The following SEC63 variants were observed in gnomAD, a reference collection of about 807,000 sequenced individuals.
SEC63 encodes the protein SEC63 protein translocation regulator.
Under a neutral mutation model 116.2 loss-of-function variants are expected in SEC63, and 56 were observed. That is an observed-to-expected ratio of 0.48 (90% confidence interval 0.39 to 0.60). The LOEUF (loss-of-function observed/expected upper bound fraction) is 0.60, where lower values mean the gene tolerates loss of function less well. Among genes scored for constraint, SEC63 ranks in the 20% least tolerant of loss-of-function variants. SEC63 has a pLI of 0.00. For missense variants in SEC63, 668 were observed against 900.0 expected (o/e 0.74, Z 3.30); for synonymous variants, 273 against 294.6 (o/e 0.93, Z 0.75).
At chr6:107,917,606 T>C (rs1401825983) in intron 4 of SEC63, among the ~76,000 whole-genome samples, 1 of 152,188 alleles carries the variant, frequency 6.6e-6, no homozygotes, top group Non-Finnish European at 1.5e-5. Flanking sequence ...GCAACAGCGC[T>C]TAAAGGAACT....
rs781049273 is a variant in SEC63 at position 107,902,939 on chromosome 6, T to C, written c.1114A>G (p.Met372Val). 6.2e-7 allele frequency: 1 copy of C among 1,614,016 alleles called. No individual in the cohort carries two copies. The highest frequency in any genetic ancestry group is 8.5e-7 in the Non-Finnish European group (1 of 1,179,944). The change falls in exon 12 of 21, where the codon ATG becomes GTG. Residue 372 changes from methionine (M) to valine (V), a missense_variant. Physicochemically the swap from Met to Val is conservative, Grantham distance 21. Coordinates refer to ENST00000369002, the MANE Select transcript of SEC63 (RefSeq NM_007214.5). ...AATTGCTGAAGTCCCTGAACGGCCATCTGAGAAAGCTTCATGCAGTTTTCT... is the reference window on the plus strand; with the variant it reads ...AATTGCTGAAGTCCCTGAACGGCCACCTGAGAAAGCTTCATGCAGTTTTCT... ...SLENCMKLSQ[M>V]AVQGLQQFKS...
At chr6:107,896,985 GA>G (rs201381619) in intron 14 of SEC63, among the ~76,000 whole-genome samples, 6 of 110,380 alleles carry the variant, frequency 5.4e-5, no homozygotes, top group East Asian at 2.8e-4. Flanking sequence ...CGTCAAAAAA[GA>G]AAAAAAAAAG....
intron 3 of SEC63, among the ~76,000 whole-genome samples, chr6:107,924,437 G>C (rs1181797112): frequency 1.3e-5 from 2 of 151,730 alleles, no homozygotes; most frequent in African/African-American, 4.8e-5. Context: ...AATTAGACAG[G>C]CGTGATGGCG....
intron 14 of SEC63, among the ~76,000 whole-genome samples, chr6:107,895,920 T>C (rs1175958130): frequency 2.0e-5 from 3 of 149,070 alleles, no homozygotes; most frequent in African/African-American, 7.4e-5. Context: ...ATCCCAGCAC[T>C]TTGGGAGGCT....
chr6:107,917,141 G>T (rs528976603), intron 4 of SEC63, among the ~76,000 whole-genome samples: 1 of 152,174 alleles, frequency 6.6e-6, no homozygotes, highest in Non-Finnish European at 1.5e-5. Context: ...CAGCATGAGC[G>T]ATTTGTACCT....
At chr6:107,939,652 G>C (rs1770331191) in intron 1 of SEC63, among the ~76,000 whole-genome samples, 1 of 152,004 alleles carries the variant, frequency 6.6e-6, no homozygotes, top group Non-Finnish European at 1.5e-5. Context: ...GCTGAAGCAG[G>C]AGAACCCTAG....
chr6:107,875,118 C>A (rs61267076), intron 19 of SEC63, among the ~76,000 whole-genome samples: 1,682 of 152,126 alleles, frequency 0.011, 34 homozygotes, highest in African/African-American at 0.038. Flanking sequence ...CCCGCCTTGG[C>A]CTCCCAAAAT....
At chr6:107,911,146 C>CA (rs1372554759) in intron 7 of SEC63, 200 bp downstream of exon 7, 3 of 587,552 alleles carry the variant, frequency 5.1e-6, no homozygotes, top group Non-Finnish European at 6.0e-6. Context: ...GGCTGGAGTG[C>CA]AGAGGTGGGG....
At chr6:107,905,099 A>G (rs553300853) in intron 10 of SEC63, among the ~76,000 whole-genome samples, 2 of 152,232 alleles carry the variant, frequency 1.3e-5, no homozygotes, top group African/African-American at 4.8e-5. Context: ...GAGACGTAGA[A>G]GAGAAGAAGA....
intron 15 of SEC63, 81 bp from the exon 16 acceptor site, chr6:107,893,736 G>A: frequency 6.3e-7 from 1 of 1,586,334 alleles, no homozygotes; most frequent in Non-Finnish European, 8.7e-7. Context: ...GGTGGAAATA[G>A]CTAAACTGAA....
chr6:107,928,207 G>A (rs1787719186), intron 2 of SEC63, among the ~76,000 whole-genome samples: 1 of 152,212 alleles, frequency 6.6e-6, no homozygotes, highest in Non-Finnish European at 1.5e-5. Flanking sequence ...GGTGGCTCAT[G>A]CAAGGTGGCT....
chr6:107,904,372 T>C (rs1040334167), intron 11 of SEC63, among the ~76,000 whole-genome samples: 26 of 149,650 alleles, frequency 1.7e-4, no homozygotes, highest in African/African-American at 6.2e-4. Flanking sequence ...ATTTTGTCAC[T>C]GCACTCCAGC....
chr6:107,903,239 A>T (rs973531794), intron 11 of SEC63, among the ~76,000 whole-genome samples: 2 of 152,188 alleles, frequency 1.3e-5, no homozygotes, highest in Non-Finnish European at 2.9e-5. Flanking sequence ...CACCTCAAAT[A>T]ATAGTAAATT....
chr6:107,913,252 A>G (rs1053598267), intron 5 of SEC63, 114 bp downstream of exon 5: 1 of 780,106 alleles, frequency 1.3e-6, no homozygotes. Flanking sequence ...TATCTATGTT[A>G]AACTCCATGT....
rs547619233 is a variant in SEC63, at chr6:107,880,502, C to G, written c.1935+647G>C. On this transcript the variant is annotated intron_variant, in intron 18 of 20. Transcript: ENST00000369002. Reference sequence around the variant, plus strand: ...GAACAACACAGGCTATCAAGGAGATCGAAAGTTGAGCAGGCTGCAATTACA... The same window carrying G: ...GAACAACACAGGCTATCAAGGAGATGGAAAGTTGAGCAGGCTGCAATTACA... Among the ~76,000 whole-genome samples, 176 of 152,258 alleles carry G rather than the reference C, an allele frequency of 1.2e-3. 2 individuals are homozygous for G. Among genetic ancestry groups the G allele is most frequent in the African/African-American group, 4.1e-3 (170 of 41,532 alleles).
At chr6:107,883,355 A>G in intron 16 of SEC63, 1 of 545,172 alleles carries the variant, frequency 1.8e-6, no homozygotes, top group Non-Finnish European at 3.2e-6. Flanking sequence ...TAGTCTGTCT[A>G]TTGTTAGTTA....
intron 1 of SEC63, among the ~76,000 whole-genome samples, chr6:107,946,682 T>A (rs973370788): frequency 7.2e-5 from 11 of 152,214 alleles, no homozygotes; most frequent in Non-Finnish European, 2.9e-5. Context: ...AATAACTTTT[T>A]AAAACAATTT....
Position 107,893,107 on chromosome 6 carries a change from TACACACACACACACACACAC to T in SEC63, c.1674+355_1674+374del, listed in dbSNP as rs55814816. Among the ~76,000 whole-genome samples the T allele has an allele frequency of 3.3e-3, 486 of 145,918 alleles. 2 individuals are homozygous for T. The highest frequency in any genetic ancestry group is 4.5e-3 in the African/African-American group (177 of 39,670). On this transcript the variant is annotated intron_variant, in intron 16 of 20. Coordinates refer to ENST00000369002, the MANE Select transcript of SEC63 (RefSeq NM_007214.5). Reference sequence around the variant, plus strand: ...GGTATATTCATACAATGAAATACTATACACACACACACACACACACACACACACACACACACACACACACA... The same window carrying T: ...GGTATATTCATACAATGAAATACTATACACACACACACACACACACACACA...
chr6:107,942,420 G>A (rs1562339376), intron 1 of SEC63, among the ~76,000 whole-genome samples: 1 of 152,118 alleles, frequency 6.6e-6, no homozygotes, highest in Non-Finnish European at 1.5e-5. Flanking sequence ...TGGAATAGAG[G>A]AGGCACTATA....
Sources: gnomAD v4.1 joint callset for allele counts (sites outside exome capture counted in the v4.1 genomes callset) on GRCh38, gnomAD v4.1.1 for gene constraint, MANE v1.5 for transcripts, NCBI Gene and HGNC (gene_info 2026-07-23, HGNC 2026-07-21) for gene names.